The following IBTK variants were observed in gnomAD, a reference collection of about 807,000 sequenced individuals.
The protein encoded by IBTK is inhibitor of Bruton tyrosine kinase.
A neutral mutation model predicts 154.9 loss-of-function variants in IBTK; 83 were observed. The observed-to-expected ratio is 0.54, with a 90% CI of 0.45 to 0.64. The LOEUF (loss-of-function observed/expected upper bound fraction) is 0.64. Ranked by LOEUF, IBTK falls within the 30% of genes least tolerant of loss-of-function variation. The pLI is 0.00. For synonymous variants in IBTK, 515 were observed against 536.1 expected (o/e 0.96, Z 0.54); for missense variants, 1,332 against 1,584.6 (o/e 0.84, Z 2.71).
At chr6:82,222,394 G>A (rs1487448942) in intron 8 of IBTK, among the ~76,000 whole-genome samples, 12 of 152,000 alleles carry the variant, frequency 7.9e-5, no homozygotes, top group Non-Finnish European at 1.5e-4. Context: ...CCACTTTCAA[G>A]AATCATTTAT....
At chr6:82,233,905 T>C (rs1770616795) in intron 3 of IBTK, among the ~76,000 whole-genome samples, 1 of 151,982 alleles carries the variant, frequency 6.6e-6, no homozygotes, top group African/African-American at 2.4e-5. Flanking sequence ...GGCTAACTTT[T>C]GTATTTTTAG....
chr6:82,246,929 T>C (rs548939499), intron 1 of IBTK, among the ~76,000 whole-genome samples: 1 of 152,296 alleles, frequency 6.6e-6, no homozygotes, highest in Non-Finnish European at 1.5e-5. Flanking sequence ...AGTCAAGTTT[T>C]ATGAACTACG....
In IBTK at chr6:82,224,020, T is replaced by C. The variant is rs546237671; in HGVS notation, c.943+48A>G. 3.6e-5 allele frequency: 36 copies of C among 998,906 alleles called. 1 individual carries two copies. The South Asian group carries it at 4.9e-4, about 14-fold the overall frequency. The allele number at this position is 998,906 out of a possible 1,614,324, so 61.9% of individuals were successfully genotyped here. A position where few individuals can be genotyped will look rare whatever the true frequency, so the allele number is the denominator to read the frequency against. On this transcript the variant is annotated intron_variant, in intron 7 of 28. Coordinates refer to ENST00000306270, the MANE Select transcript of IBTK (RefSeq NM_015525.4). ...AAATTAAAAAGAAAAGATAATTTTT[T>C]AAAGAGTCCAATTTAATTTCCAGAT...
Position 82,240,473 on chromosome 6 carries a change from A to G in IBTK, c.14T>C (p.Met5Thr). The G allele has an allele frequency of 6.2e-7, 1 of 1,612,638 alleles. No individual in the cohort carries two copies. Among genetic ancestry groups the G allele is most frequent in the Non-Finnish European group, 8.5e-7 (1 of 1,179,530 alleles). The change falls in exon 2 of 29, where the codon ATG becomes ACG. Residue 5 changes from methionine to threonine, a missense_variant. By Grantham distance (81) the Met-to-Thr change is moderately conservative (BLOSUM62 -1). Around this residue, in one of 3 missense-constraint regions of IBTK, gnomAD observed 84 missense variants for 96.2 expected, o/e 0.87. Transcript: ENST00000306270. ...TCGACACTTTGATGTGCAGTCAGGCATGGGTGAACTCATCCTAACTGTTTT... is the reference window on the plus strand; with the variant it reads ...TCGACACTTTGATGTGCAGTCAGGCGTGGGTGAACTCATCCTAACTGTTTT... MSSP[M>T]PDCTSKCRSL... is the part of the protein sequence containing the mutation.
intron 4 of IBTK, among the ~76,000 whole-genome samples, chr6:82,231,441 T>C (rs7766372): frequency 0.24 from 36,255 of 152,034 alleles, 4,385 homozygotes; most frequent in African/African-American, 0.28. Flanking sequence ...AAGAGAAGCT[T>C]TACCCTCTTA....
At chr6:82,232,841 C>T (rs1770559825) in intron 3 of IBTK, among the ~76,000 whole-genome samples, 1 of 152,006 alleles carries the variant, frequency 6.6e-6, no homozygotes, top group South Asian at 2.1e-4. Context: ...CGTGGCAAAA[C>T]CTCACCTCTA....
chr6:82,232,751 C>T (rs1388384747), intron 3 of IBTK, among the ~76,000 whole-genome samples: 1 of 152,216 alleles, frequency 6.6e-6, no homozygotes, highest in Non-Finnish European at 1.5e-5. Context: ...CACAGTGGCT[C>T]ACGCCTGTAA....
At chr6:82,234,292 T>A in intron 2 of IBTK, 37 bp from the exon 3 acceptor site, 1 of 768,756 alleles carries the variant, frequency 1.3e-6, no homozygotes, top group Non-Finnish European at 1.9e-6. Flanking sequence ...TAAATATATA[T>A]ATATTATTAA....
chr6:82,203,388 T>C (rs909326918), intron 17 of IBTK, among the ~76,000 whole-genome samples: 3 of 152,128 alleles, frequency 2.0e-5, no homozygotes, highest in African/African-American at 7.2e-5. Context: ...TACCAGCCAA[T>C]AGGGAAACAC....
chr6:82,186,180 C>G (rs1368766811), intron 25 of IBTK, among the ~76,000 whole-genome samples: 1 of 152,150 alleles, frequency 6.6e-6, no homozygotes, highest in African/African-American at 2.4e-5. Context: ...ATCTCTCTCC[C>G]TCTCCTCCTT....
intron 16 of IBTK, 23 bp downstream of exon 16, chr6:82,210,791 A>C (rs977073504): frequency 9.4e-7 from 1 of 1,065,080 alleles, no homozygotes; most frequent in Non-Finnish European, 1.3e-6. Context: ...AAGTATCTAC[A>C]ATGTCCTAAC....
chr6:82,200,067 G>T, intron 21 of IBTK, 74 bp downstream of exon 21: 1 of 912,774 alleles, frequency 1.1e-6, no homozygotes, highest in Non-Finnish European at 1.7e-6. Flanking sequence ...TATTTCAGTA[G>T]CCCCAGCAGA....
intron 25 of IBTK, 97 bp downstream of exon 25, chr6:82,190,976 T>C (rs1488923606): frequency 1.0e-5 from 9 of 868,078 alleles, no homozygotes; most frequent in African/African-American, 1.8e-5. Flanking sequence ...GAAAAGACTT[T>C]AGAAACACTG....
At chr6:82,217,269 C>T (rs912579173) in intron 10 of IBTK, among the ~76,000 whole-genome samples, 7 of 152,102 alleles carry the variant, frequency 4.6e-5, no homozygotes, top group Non-Finnish European at 7.4e-5. Context: ...GTTGAACCTA[C>T]GTTCTAGTTA....
chr6:82,198,811 C>T (rs557546773), intron 21 of IBTK, among the ~76,000 whole-genome samples: 2 of 151,890 alleles, frequency 1.3e-5, no homozygotes, highest in East Asian at 1.9e-4. Context: ...ACTACTAAAA[C>T]GTATATAGTT....
intron 4 of IBTK, among the ~76,000 whole-genome samples, chr6:82,228,336 C>T (rs971671346): frequency 7.9e-5 from 12 of 151,814 alleles, no homozygotes; most frequent in African/African-American, 2.9e-4. Flanking sequence ...CTAGACCGCT[C>T]GGAATTTTGT....
chr6:82,227,411 A>G, intron 4 of IBTK, 109 bp from the exon 5 acceptor site: 1 of 533,432 alleles, frequency 1.9e-6, no homozygotes, highest in Non-Finnish European at 3.1e-6. Flanking sequence ...AATGGATACA[A>G]GGGGAATTTA....
chr6:82,229,840 A>G (rs1770441174), intron 4 of IBTK, among the ~76,000 whole-genome samples: 1 of 152,102 alleles, frequency 6.6e-6, no homozygotes, highest in Middle Eastern at 3.2e-3. Flanking sequence ...TTCTCTAGCC[A>G]CTTTTCATTC....
At chr6:82,201,530 TA>T in intron 18 of IBTK, 48 bp from the exon 19 acceptor site, 2 of 1,306,028 alleles carry the variant, frequency 1.5e-6, no homozygotes, top group Non-Finnish European at 2.2e-6. Context: ...AGTGACTTGA[TA>T]ACTGTCAAGT....
Sources: allele counts gnomAD v4.1 joint callset (sites outside exome capture counted in the v4.1 genomes callset), GRCh38; gene constraint gnomAD v4.1.1; regional missense constraint gnomAD v4.1.1; transcripts MANE v1.5; gene names NCBI Gene and HGNC (gene_info 2026-07-23, HGNC 2026-07-21).